The following SSH1 variants were observed in gnomAD, a reference collection of about 807,000 sequenced individuals.
SSH1 encodes the protein protein phosphatase Slingshot homolog 1.
In SSH1, 43 loss-of-function variants were observed where a neutral mutation model predicts 79.7. The observed-to-expected ratio is 0.54, with a 90% CI of 0.42 to 0.70. The LOEUF (loss-of-function observed/expected upper bound fraction) is 0.70. Among genes scored for constraint, SSH1 ranks in the 30% least tolerant of loss-of-function variants. The probability of loss-of-function intolerance (pLI) is 0.00; values close to 1 mark genes in which losing one functional copy is unlikely to be tolerated. For missense variants in SSH1, 1,206 were observed against 1,358.8 expected (o/e 0.89, Z 1.77); for synonymous variants, 599 against 538.3 (o/e 1.11, Z -1.56).
At chr12:108,845,703 A>C (rs1016522951) in intron 2 of SSH1, among the ~76,000 whole-genome samples, 6 of 152,230 alleles carry the variant, frequency 3.9e-5, no homozygotes, top group Non-Finnish European at 8.8e-5. Flanking sequence ...TAAACAAAAT[A>C]AACATATATT....
In SSH1 at chr12:108,807,338, A is replaced by G. The variant is rs143277327; in HGVS notation, c.731+295T>C. ...AGCTCTGGAAGGAGTTGGGGACACA[A>G]AGGGCCACACATTCCTTTGAGAGTC... On this transcript the variant is annotated intron_variant, in intron 8 of 14. Coordinates refer to ENST00000326495, the MANE Select transcript of SSH1 (RefSeq NM_018984.4). This position sits in a 1 kb window ranked among gnomAD's most constrained non-coding sequence, Gnocchi z 5.2. Among the ~76,000 whole-genome samples, 1,481 of 152,256 alleles carry G rather than the reference A, an allele frequency of 9.7e-3. 9 individuals carry two copies. Among genetic ancestry groups the G allele is most frequent in the Non-Finnish European group, 0.015 (1,024 of 68,016 alleles).
intron 3 of SSH1, among the ~76,000 whole-genome samples, chr12:108,819,509 T>C (rs555927575): frequency 6.6e-6 from 1 of 152,344 alleles, no homozygotes; most frequent in African/African-American, 2.4e-5. Flanking sequence ...CAAGGATTTC[T>C]TTCTGAAGAA....
In SSH1 at chr12:108,801,349, C is replaced by CT. The variant is rs143223799; in HGVS notation, c.1002-424dup. Among the ~76,000 whole-genome samples, 1,007 of 152,180 alleles carry CT rather than the reference C, an allele frequency of 6.6e-3. 15 individuals are homozygous for CT. Among genetic ancestry groups the CT allele is most frequent in the African/African-American group, 0.023 (953 of 41,516 alleles). On this transcript the variant is annotated intron_variant, in intron 11 of 14. Coordinates refer to ENST00000326495, the MANE Select transcript of SSH1 (RefSeq NM_018984.4). ...TATATCCTTGGGAACTGCCTTAAAT[C>CT]TTTTTTTGGAAAAAGGCAAGATAGA... is the stretch of plus-strand genomic sequence containing the variant.
In SSH1 at chr12:108,792,433, G is replaced by C; in HGVS notation, c.1746C>G (p.Gly582=). 1 of 1,614,194 alleles carries C rather than the reference G, an allele frequency of 6.2e-7. No homozygotes were observed. The highest frequency in any genetic ancestry group is 8.5e-7 in the Non-Finnish European group (1 of 1,180,030). The change falls in exon 14 of 15, where the codon GGC becomes GGG. Residue 582 remains glycine, a synonymous_variant. Transcript: ENST00000326495. ...LEFGSPKGRS[G]SLLQVEETER... Reference sequence around the variant, plus strand: ...CCGTCTCCTCCACCTGCAGCAAGGAGCCGCTCCGACCTTTGGGACTCCCAA... The same window carrying C: ...CCGTCTCCTCCACCTGCAGCAAGGACCCGCTCCGACCTTTGGGACTCCCAA...
intron 2 of SSH1, among the ~76,000 whole-genome samples, chr12:108,840,696 G>A (rs2038755528): frequency 6.6e-6 from 1 of 152,130 alleles, no homozygotes; most frequent in Non-Finnish European, 1.5e-5. Context: ...CCAGAGATCC[G>A]ACCACAGAAC....
At chr12:108,794,043 T>C (rs2036633175) in intron 13 of SSH1, among the ~76,000 whole-genome samples, 2 of 152,316 alleles carry the variant, frequency 1.3e-5, no homozygotes, top group Admixed American at 1.3e-4. Context: ...TGGGGACCTG[T>C]CCAGCCCTTC....
chr12:108,808,490 A>C (rs543306530), intron 7 of SSH1, among the ~76,000 whole-genome samples: 4 of 152,344 alleles, frequency 2.6e-5, no homozygotes, highest in South Asian at 2.1e-4. Context: ...CAACCCATCA[A>C]TTAACTCCAG....
At chr12:108,826,457 C>G (rs2038312769) in intron 2 of SSH1, 1 of 226,938 alleles carries the variant, frequency 4.4e-6, no homozygotes, top group South Asian at 4.8e-5. Context: ...AGCGCATTAT[C>G]CCGAAGCTGT....
intron 12 of SSH1, among the ~76,000 whole-genome samples, 163 bp from the exon 13 acceptor site, chr12:108,799,363 G>A (rs2036890089): frequency 6.6e-6 from 1 of 152,174 alleles, no homozygotes; most frequent in Admixed American, 6.5e-5. Flanking sequence ...AATGTTTACG[G>A]AGCAGATGTC....
intron 2 of SSH1, among the ~76,000 whole-genome samples, chr12:108,835,663 G>A (rs952009280): frequency 6.6e-6 from 1 of 151,780 alleles, no homozygotes; most frequent in African/African-American, 2.4e-5. Context: ...ATTTGGCGGG[G>A]AAGGGCAGGG....
chr12:108,820,204 T>G (rs577713167), intron 3 of SSH1, among the ~76,000 whole-genome samples: 2 of 152,084 alleles, frequency 1.3e-5, no homozygotes, highest in South Asian at 4.2e-4. Flanking sequence ...CCACAATAAG[T>G]AAAATTTAAA....
intron 2 of SSH1, among the ~76,000 whole-genome samples, chr12:108,823,787 C>T (rs1271104436): frequency 6.6e-6 from 1 of 152,156 alleles, no homozygotes; most frequent in Non-Finnish European, 1.5e-5. Context: ...CATGTCTCAG[C>T]CTCCCCAGAA....
Position 108,839,949 on chromosome 12 carries a change from TGA to T in SSH1, c.110+12687_110+12688del, listed in dbSNP as rs541846226. 2.7e-4 allele frequency among the ~76,000 whole-genome samples: 41 copies of T among 152,248 alleles called. No individual in the cohort carries two copies. In the South Asian group the frequency reaches 8.3e-3, roughly 31 times the overall value. On this transcript the variant is annotated intron_variant, in intron 2 of 14. Transcript: ENST00000326495. ...CTCTCTGGAGGCCTCAGGAGGGCCCTGAGAGGAGGAAGGCAGGTGGTGGGCCC... is the reference window on the plus strand; with the variant it reads ...CTCTCTGGAGGCCTCAGGAGGGCCCTGAGGAGGAAGGCAGGTGGTGGGCCC...
rs115635705 is a variant in SSH1, at chr12:108,845,322, G to A, written c.110+7316C>T. Among the ~76,000 whole-genome samples the A allele has an allele frequency of 1.6e-3, 239 of 152,114 alleles. 1 individual carries two copies. The highest frequency in any genetic ancestry group is 5.3e-3 in the African/African-American group (219 of 41,506). ...CGGCCAGCAAGCCTTGTGAGTTCCCGAACAGAGAACCCAGCTATACCGTGT... is the reference window on the plus strand; with the variant it reads ...CGGCCAGCAAGCCTTGTGAGTTCCCAAACAGAGAACCCAGCTATACCGTGT... On this transcript the variant is annotated intron_variant, in intron 2 of 14. Coordinates refer to ENST00000326495, the MANE Select transcript of SSH1 (RefSeq NM_018984.4).
Position 108,787,934 on chromosome 12 carries a change from T to G in SSH1, c.*54A>C, listed in dbSNP as rs534328949. 6.2e-7 allele frequency: 1 copy of G among 1,605,692 alleles called. No individual in the cohort carries two copies. Among genetic ancestry groups the G allele is most frequent in the Admixed American group, 1.7e-5 (1 of 59,976 alleles). On this transcript the variant is annotated 3_prime_UTR_variant, in exon 15 of 15. Coordinates refer to ENST00000326495, the MANE Select transcript of SSH1 (RefSeq NM_018984.4). ...GGTCGATCCAAATCCACAGTGAAAGTGAGGGAGGGATCATATGAAAATATC... is the reference window on the plus strand; with the variant it reads ...GGTCGATCCAAATCCACAGTGAAAGGGAGGGAGGGATCATATGAAAATATC...
chr12:108,828,702 C>A (rs2038395635), intron 2 of SSH1, among the ~76,000 whole-genome samples: 4 of 152,236 alleles, frequency 2.6e-5, no homozygotes, highest in Admixed American at 2.6e-4. Context: ...CTACCCACCA[C>A]TGCCGTCATA....
Position 108,838,235 on chromosome 12 carries a change from C to T in SSH1, c.110+14403G>A, listed in dbSNP as rs575707257. On this transcript the variant is annotated intron_variant, in intron 2 of 14. Coordinates refer to ENST00000326495, the MANE Select transcript of SSH1 (RefSeq NM_018984.4). ...ATTTCATGACTTTGCCCTTTCATCT[C>T]TTGCATAGTTTTACCCTCACCAAGC... 3.3e-5 allele frequency among the ~76,000 whole-genome samples: 5 copies of T among 152,328 alleles called. No individual in the cohort carries two copies. In the South Asian group the frequency reaches 1.0e-3, roughly 32 times the overall value.
intron 2 of SSH1, among the ~76,000 whole-genome samples, chr12:108,843,285 C>G (rs1255915921): frequency 1.3e-5 from 2 of 152,114 alleles, no homozygotes; most frequent in Non-Finnish European, 2.9e-5. Context: ...TTTCTCTGTC[C>G]TTTGTTTCCT....
At chr12:108,825,054 C>T (rs1412128669) in intron 2 of SSH1, among the ~76,000 whole-genome samples, 1 of 152,012 alleles carries the variant, frequency 6.6e-6, no homozygotes, top group Non-Finnish European at 1.5e-5. Flanking sequence ...ATATAAAACA[C>T]TACTATATAA....
Sources: gnomAD v4.1 joint callset for allele counts (sites outside exome capture counted in the v4.1 genomes callset) on GRCh38, gnomAD v4.1.1 for gene constraint, Gnocchi (gnomAD v3.1) non-coding constraint, MANE v1.5 for transcripts, NCBI Gene and HGNC (gene_info 2026-07-23, HGNC 2026-07-21) for gene names.